The following NHEJ1 variants were observed in gnomAD, a reference collection of about 807,000 sequenced individuals.
NHEJ1 encodes non-homologous end joining factor 1.
NHEJ1 carries 22 observed loss-of-function variants against 39.4 expected under a neutral mutation model. The ratio of observed to expected loss-of-function variants is 0.56; its 90% CI spans 0.40 to 0.80. The LOEUF (loss-of-function observed/expected upper bound fraction) is 0.80. Among genes scored for constraint, NHEJ1 ranks in the 30% least tolerant of loss-of-function variants. The pLI, the probability that NHEJ1 is intolerant of heterozygous loss-of-function variation, is 0.00. For synonymous variants in NHEJ1, 154 were observed against 135.6 expected (o/e 1.14, Z -0.94); for missense variants, 329 against 357.1 (o/e 0.92, Z 0.63).
At chr2:219,087,249 A>G (rs551384443) in intron 5 of NHEJ1, among the ~76,000 whole-genome samples, 1 of 152,346 alleles carries the variant, frequency 6.6e-6, no homozygotes, top group Non-Finnish European at 1.5e-5. Flanking sequence ...ACAATGTGGT[A>G]GAAACTGGAA....
intron 5 of NHEJ1, among the ~76,000 whole-genome samples, chr2:219,139,258 T>C (rs1308616508): frequency 2.0e-5 from 3 of 152,102 alleles, no homozygotes; most frequent in African/African-American, 7.2e-5. Context: ...CAGCTAATTT[T>C]TGTATTTTTA....
chr2:219,077,201 G>T, intron 7 of NHEJ1, 45 bp downstream of exon 7: 1 of 1,419,884 alleles, frequency 7.0e-7, no homozygotes, highest in Non-Finnish European at 1.0e-6. Flanking sequence ...GGGGCTATAG[G>T]TGCCAACTCT....
chr2:219,159,575 G>A (rs143779848), intron 1 of NHEJ1, among the ~76,000 whole-genome samples: 1 of 9,376 alleles, frequency 1.1e-4, no homozygotes, highest in Non-Finnish European at 7.8e-4. Context: ...ATATATATAT[G>A]CATATATATA....
At chr2:219,104,213 G>T (rs1949293721) in intron 5 of NHEJ1, among the ~76,000 whole-genome samples, 1 of 152,208 alleles carries the variant, frequency 6.6e-6, no homozygotes, top group Admixed American at 6.5e-5. Context: ...TGCACAACCT[G>T]CAGGGCCAAA....
intron 5 of NHEJ1, among the ~76,000 whole-genome samples, chr2:219,109,981 A>T (rs955640994): frequency 9.9e-5 from 15 of 152,204 alleles, no homozygotes; most frequent in African/African-American, 3.6e-4. Flanking sequence ...AAAGGCTTCC[A>T]AATAATTCTA....
At chr2:219,079,230 C>T (rs959135129) in intron 5 of NHEJ1, among the ~76,000 whole-genome samples, 7 of 152,146 alleles carry the variant, frequency 4.6e-5, no homozygotes, top group African/African-American at 1.7e-4. Flanking sequence ...TTGGAAAGGG[C>T]CCAGAACTAT....
At chr2:219,109,100 T>C (rs1329866997) in intron 5 of NHEJ1, among the ~76,000 whole-genome samples, 1 of 152,168 alleles carries the variant, frequency 6.6e-6, no homozygotes, top group Non-Finnish European at 1.5e-5. Flanking sequence ...GCACCTAAAC[T>C]ATGGTTACCA....
chr2:219,147,846 C>G, intron 3 of NHEJ1, 51 bp from the exon 4 acceptor site: 1 of 1,594,848 alleles, frequency 6.3e-7, no homozygotes, highest in East Asian at 2.2e-5. Flanking sequence ...AAAGTACTTT[C>G]CAATTCAGTA....
At chr2:219,076,970 AT>A (rs1193801279) in intron 7 of NHEJ1, among the ~76,000 whole-genome samples, 17 of 152,326 alleles carry the variant, frequency 1.1e-4, no homozygotes, top group African/African-American at 3.8e-4. Context: ...CTCGCTGACT[AT>A]CACTGGTCAT....
chr2:219,119,626 C>T (rs1014882593), intron 5 of NHEJ1, among the ~76,000 whole-genome samples: 52 of 152,136 alleles, frequency 3.4e-4, no homozygotes, highest in African/African-American at 1.2e-3. Flanking sequence ...AATGTTTTGG[C>T]GCCACCTGCT....
At chr2:219,085,918 C>T (rs1949107568) in intron 5 of NHEJ1, among the ~76,000 whole-genome samples, 1 of 152,118 alleles carries the variant, frequency 6.6e-6, no homozygotes, top group African/African-American at 2.4e-5. Flanking sequence ...GAGTTCAAAA[C>T]AGTTTGAGAC....
Position 219,117,514 on chromosome 2 carries a change from C to T in NHEJ1, c.588+29166G>A, listed in dbSNP as rs147211957. On this transcript the variant is annotated intron_variant, in intron 5 of 7. Coordinates refer to ENST00000356853, the MANE Select transcript of NHEJ1 (RefSeq NM_024782.3). ...CTGGGAGTTCCCAGGCTCAGAGAAT[C>T]AGCCAGAATGTTGGGGAAACGCACA... is the stretch of plus-strand genomic sequence containing the variant. Among the ~76,000 whole-genome samples the T allele has an allele frequency of 4.0e-3, 611 of 152,344 alleles. 3 individuals carry two copies. Among genetic ancestry groups the T allele is most frequent in the African/African-American group, 0.014 (580 of 41,586 alleles).
intron 5 of NHEJ1, among the ~76,000 whole-genome samples, chr2:219,098,781 T>C (rs1160237434): frequency 6.6e-6 from 1 of 152,164 alleles, no homozygotes; most frequent in African/African-American, 2.4e-5. Flanking sequence ...CGAGAGTCTG[T>C]CTCTAAAAAA....
At chr2:219,127,156 G>A (rs1274159342) in intron 5 of NHEJ1, among the ~76,000 whole-genome samples, 1 of 152,166 alleles carries the variant, frequency 6.6e-6, no homozygotes, top group African/African-American at 2.4e-5. Context: ...GATTTACGTT[G>A]ATCAGCAGGT....
At chr2:219,110,659 G>C (rs900097862) in intron 5 of NHEJ1, among the ~76,000 whole-genome samples, 1 of 152,042 alleles carries the variant, frequency 6.6e-6, no homozygotes, top group Non-Finnish European at 1.5e-5. Flanking sequence ...GGGGTGGCCG[G>C]GAAGTCCTCA....
In NHEJ1 at chr2:219,146,722, T is replaced by C; in HGVS notation, c.546A>G (p.Glu182=). 1.2e-6 allele frequency: 2 copies of C among 1,611,234 alleles called. No homozygotes were observed. The highest frequency in any genetic ancestry group is 4.5e-5 in the East Asian group (2 of 44,866). ...ATLIRDRLKT[E]PFEENSFLEQ... The stretch of plus-strand genomic sequence containing the variant: ...CCAAGAAGGAATTTTCTTCAAATGG[T>C]TCTGTCTTCAATCGATCTGTAATAA... The change falls in exon 5 of 8, where the codon GAA becomes GAG. Residue 182 remains glutamate (E), a synonymous_variant. Coordinates refer to ENST00000356853, the MANE Select transcript of NHEJ1 (RefSeq NM_024782.3).
At chr2:219,085,833 C>T (rs1468473681) in intron 5 of NHEJ1, among the ~76,000 whole-genome samples, 2 of 151,252 alleles carry the variant, frequency 1.3e-5, no homozygotes, top group African/African-American at 4.9e-5. Context: ...TTCTTTGTGG[C>T]CTCCCTTCAA....
At chr2:219,122,446 C>T (rs545217516) in intron 5 of NHEJ1, among the ~76,000 whole-genome samples, 160 of 152,276 alleles carry the variant, frequency 1.1e-3, no homozygotes, top group Non-Finnish European at 1.9e-3. Flanking sequence ...GTACCCTTGG[C>T]ACAGTAAGTA....
intron 7 of NHEJ1, among the ~76,000 whole-genome samples, chr2:219,076,733 G>T (rs1411322904): frequency 2.0e-5 from 3 of 152,056 alleles, no homozygotes; most frequent in African/African-American, 7.2e-5. Context: ...TAAAGATAGG[G>T]TTTCACTTGG....
Sources: allele counts gnomAD v4.1 joint callset (sites outside exome capture counted in the v4.1 genomes callset), GRCh38; gene constraint gnomAD v4.1.1; transcripts MANE v1.5; gene names NCBI Gene and HGNC (gene_info 2026-07-23, HGNC 2026-07-21).